Variants in CLASP1 observed in about 807,000 individuals in gnomAD.
CLASP1 encodes cytoplasmic linker associated protein 1.
In CLASP1, 38 loss-of-function variants were observed where a neutral mutation model predicts 192.3. The ratio of observed to expected loss-of-function variants is 0.20; its 90% confidence interval spans 0.15 to 0.26. The LOEUF is 0.26. Among genes scored for constraint, CLASP1 ranks in the 10% least tolerant of loss-of-function variants. The pLI, the probability that CLASP1 is intolerant of heterozygous loss-of-function variation, is 1.00. For synonymous variants in CLASP1, 691 were observed against 712.8 expected (o/e 0.97, Z 0.49); for missense variants, 1,433 against 1,932.5 (o/e 0.74, Z 4.85).
At chr2:121,644,990 C>T (rs1407661463) in intron 1 of CLASP1, among the ~76,000 whole-genome samples, 1 of 150,448 alleles carries the variant, frequency 6.6e-6, no homozygotes, top group East Asian at 1.9e-4. Flanking sequence ...ACAAGAGTTG[C>T]CTAAAGAAAG....
At chr2:121,387,124 T>C (rs948530482) in exon 32 of CLASP1, 2 of 1,613,152 alleles carry the variant, frequency 1.2e-6, no homozygotes, top group Non-Finnish European at 1.7e-6. Flanking sequence ...GACCTTACCT[T>C]GGAGACAGAC....
chr2:121,575,160 G>A (rs900114461), intron 2 of CLASP1, among the ~76,000 whole-genome samples: 1 of 151,830 alleles, frequency 6.6e-6, no homozygotes, highest in Admixed American at 6.6e-5. Flanking sequence ...CTCCCAGGCT[G>A]GAGTGCAGTG....
intron 34 of CLASP1, among the ~76,000 whole-genome samples, chr2:121,373,997 G>C (rs2069358872): frequency 1.3e-5 from 2 of 152,222 alleles, no homozygotes; most frequent in African/African-American, 4.8e-5. Flanking sequence ...ATAATTAAAA[G>C]CCGGATGTTA....
rs2094559818 is a variant in CLASP1, at chr2:121,525,744, G to C, written c.546+101C>G. Reference sequence around the variant, plus strand: ...TCTCTTAAATAATCATCAGTGTTCTGTGAAGATTAGGACTCCAGTCCCACC... The same window carrying C: ...TCTCTTAAATAATCATCAGTGTTCTCTGAAGATTAGGACTCCAGTCCCACC... On this transcript the variant is annotated intron_variant, in intron 6 of 39. Coordinates refer to ENST00000263710, the Ensembl canonical transcript of CLASP1. The C allele has an allele frequency of 4.1e-6, 3 of 740,546 alleles. No individual in the cohort carries two copies. The Admixed American group carries it at 6.2e-5, about 15-fold the overall frequency. The allele number at this position is 740,546 out of a possible 1,614,324, so 45.9% of individuals were successfully genotyped here.
intron 14 of CLASP1, among the ~76,000 whole-genome samples, chr2:121,454,758 G>A (rs548152419): frequency 3.9e-5 from 6 of 152,230 alleles, no homozygotes; most frequent in African/African-American, 1.4e-4. Context: ...ACAAAGATCC[G>A]TGTCATCTTA....
intron 7 of CLASP1, among the ~76,000 whole-genome samples, chr2:121,515,458 A>G (rs151083077): frequency 6.6e-6 from 1 of 152,324 alleles, no homozygotes; most frequent in East Asian, 1.9e-4. Context: ...CAGTTGTCTG[A>G]GTGAGAAACT....
At chr2:121,530,947 C>CT (rs1559534331) in intron 2 of CLASP1, 2 of 700,426 alleles carry the variant, frequency 2.9e-6, no homozygotes, top group Non-Finnish European at 5.2e-6. Context: ...CTGCTAACGC[C>CT]TGAACAACAC....
intron 2 of CLASP1, among the ~76,000 whole-genome samples, chr2:121,541,055 G>A (rs1182310612): frequency 6.6e-6 from 1 of 152,156 alleles, no homozygotes; most frequent in Non-Finnish European, 1.5e-5. Flanking sequence ...AAAAATTAGA[G>A]CAGTGGGAGT....
At chr2:121,410,363 A>T (rs2077521777) in intron 24 of CLASP1, among the ~76,000 whole-genome samples, 1 of 152,208 alleles carries the variant, frequency 6.6e-6, no homozygotes, top group South Asian at 2.1e-4. Flanking sequence ...ACTGCTTCAC[A>T]TCCTCAAAGA....
chr2:121,342,608 A>T (rs994591869), intron 39 of CLASP1, among the ~76,000 whole-genome samples: 1 of 152,166 alleles, frequency 6.6e-6, no homozygotes. Context: ...AGGAGAAAAC[A>T]ATAAAGATTA....
At chr2:121,467,323 C>T (rs773454160) in intron 9 of CLASP1, among the ~76,000 whole-genome samples, 2 of 152,050 alleles carry the variant, frequency 1.3e-5, no homozygotes, top group Non-Finnish European at 2.9e-5. Flanking sequence ...GGGTATATGC[C>T]CAATAATGGG....
chr2:121,596,481 G>A (rs2063156685), intron 2 of CLASP1, among the ~76,000 whole-genome samples: 1 of 152,184 alleles, frequency 6.6e-6, no homozygotes, highest in African/African-American at 2.4e-5. Context: ...AAACCTCGAT[G>A]AAAGCCAAGG....
At chr2:121,364,787 C>T (rs755194477) in intron 36 of CLASP1, 4 of 351,500 alleles carry the variant, frequency 1.1e-5, no homozygotes, top group Non-Finnish European at 2.1e-5. Context: ...TAAAAGACCA[C>T]ATTCTATGCT....
At chr2:121,389,413 A>G (rs189024895) in intron 30 of CLASP1, among the ~76,000 whole-genome samples, 1 of 152,294 alleles carries the variant, frequency 6.6e-6, no homozygotes, top group East Asian at 1.9e-4. Flanking sequence ...GCATATTTGC[A>G]TAACAGAACA....
chr2:121,446,869 C>G (rs2084441745), intron 19 of CLASP1, among the ~76,000 whole-genome samples: 1 of 152,138 alleles, frequency 6.6e-6, no homozygotes. Context: ...CCTGCCATTC[C>G]CCACAACCCA....
At chr2:121,521,201 T>C (rs747305700) in intron 6 of CLASP1, among the ~76,000 whole-genome samples, 12 of 152,198 alleles carry the variant, frequency 7.9e-5, no homozygotes, top group Non-Finnish European at 1.8e-4. Flanking sequence ...TGCTTCAACA[T>C]AATCTAACTT....
rs186093939 is a variant in CLASP1 at position 121,368,433 on chromosome 2, T to G, written c.3643-602A>C. Among the ~76,000 whole-genome samples, 897 of 152,316 alleles carry G rather than the reference T, an allele frequency of 5.9e-3. 2 individuals carry two copies. The highest frequency in any genetic ancestry group is 9.6e-3 in the Non-Finnish European group (653 of 68,020). ...TTATGCTGGGTCAAAGAACAGGACTTTAGTATTTCCCAAATTTTTTTTTTT... is the reference window on the plus strand; with the variant it reads ...TTATGCTGGGTCAAAGAACAGGACTGTAGTATTTCCCAAATTTTTTTTTTT... On this transcript the variant is annotated intron_variant, in intron 34 of 39. Transcript: ENST00000263710.
In CLASP1 at chr2:121,363,281, G is replaced by A. The variant is rs755594869; in HGVS notation, c.4097C>T (p.Ala1366Val). The A allele has an allele frequency of 8.7e-6, 14 of 1,613,566 alleles. No individual in the cohort carries two copies. The highest frequency in any genetic ancestry group is 5.0e-5 in the Admixed American group (3 of 59,948). The change falls in exon 37 of 40, where the codon GCG becomes GTG. Residue 1366 changes from alanine (A) to valine (V), a missense_variant. This residue lies in a region of CLASP1 where 148 missense variants were observed against 247.5 expected (regional missense o/e 0.60). Coordinates refer to ENST00000263710, the Ensembl canonical transcript of CLASP1. The stretch of plus-strand genomic sequence containing the variant: ...CAGAATTTCCCTCAAAACTCTTAAC[G>A]CCAGTGCTCGAATTGAATGCTAGAA...
intron 1 of CLASP1, among the ~76,000 whole-genome samples, chr2:121,614,321 C>T (rs906121791): frequency 2.6e-5 from 4 of 152,156 alleles, no homozygotes; most frequent in African/African-American, 7.2e-5. Flanking sequence ...CATGGTGAAA[C>T]CCCATCTCTA....
Sources: gnomAD v4.1 joint callset for allele counts (sites outside exome capture counted in the v4.1 genomes callset) on GRCh38, gnomAD v4.1.1 for gene constraint, gnomAD v4.1.1 regional missense constraint, MANE v1.5 for transcripts, NCBI Gene and HGNC (gene_info 2026-07-23, HGNC 2026-07-21) for gene names.